ASTN2: variants seen among roughly 807,000 people sequenced by gnomAD.
ASTN2 encodes the protein astrotactin 2.
A neutral mutation model predicts 139.8 loss-of-function variants in ASTN2; 54 were observed. The ratio of observed to expected loss-of-function variants is 0.39; its 90% CI spans 0.31 to 0.48. ASTN2 has a LOEUF of 0.48. Ranked by LOEUF, ASTN2 falls within the 20% of genes least tolerant of loss-of-function variation. The probability of loss-of-function intolerance (pLI) is 0.95; values close to 1 mark genes in which losing one functional copy is unlikely to be tolerated. For missense variants in ASTN2, 1,565 were observed against 1,725.1 expected (o/e 0.91, Z 1.64); for synonymous variants, 756 against 719.5 (o/e 1.05, Z -0.81).
intron 5 of ASTN2, 59 bp downstream of exon 5, chr9:117,095,985 G>C: frequency 1.3e-6 from 2 of 1,508,378 alleles, no homozygotes; most frequent in Non-Finnish European, 1.8e-6. Flanking sequence ...CACAAAATCT[G>C]ATTTCCAGGA....
At chr9:117,302,214 G>T (rs143598625) in intron 1 of ASTN2, among the ~76,000 whole-genome samples, 1 of 152,090 alleles carries the variant, frequency 6.6e-6, no homozygotes, top group Non-Finnish European at 1.5e-5. Context: ...CCAGTGCCCC[G>T]TAAACCTTTT....
chr9:116,640,863 T>C (rs1857292808), intron 17 of ASTN2, among the ~76,000 whole-genome samples: 1 of 152,184 alleles, frequency 6.6e-6, no homozygotes, highest in Non-Finnish European at 1.5e-5. Context: ...ACTATTGAAA[T>C]AGTACAGGCA....
In ASTN2 at chr9:116,425,926, C is replaced by T; in HGVS notation, c.3945G>A (p.Lys1315=). 1 of 1,614,148 alleles carries T rather than the reference C, an allele frequency of 6.2e-7. No individual in the cohort carries two copies. The highest frequency in any genetic ancestry group is 1.1e-5 in the South Asian group (1 of 91,078). The change falls in exon 23 of 23, where the codon AAG becomes AAA. Residue 1315 remains lysine, a synonymous_variant. Transcript: ENST00000313400. ...TCTCCTCACACGTGATTTTGGTGTCCTTGAGGATGCTATACCACACCATGC... is the reference window on the plus strand; with the variant it reads ...TCTCCTCACACGTGATTTTGGTGTCTTTGAGGATGCTATACCACACCATGC... ...PAGMVWYSIL[K]DTKITCEEKM... is the part of the protein sequence containing the mutation.
intron 19 of ASTN2, among the ~76,000 whole-genome samples, chr9:116,516,529 T>C (rs1850656464): frequency 6.6e-6 from 1 of 152,208 alleles, no homozygotes; most frequent in Non-Finnish European, 1.5e-5. Context: ...CCTGCCTGGA[T>C]GGACAGAGCA....
intron 10 of ASTN2, among the ~76,000 whole-genome samples, chr9:116,872,442 G>A (rs1429310422): frequency 6.6e-6 from 1 of 152,132 alleles, no homozygotes. Flanking sequence ...GTAGGAGAAG[G>A]GATGAAAGAT....
At chr9:117,136,030 T>C (rs1829943299) in intron 4 of ASTN2, among the ~76,000 whole-genome samples, 1 of 152,210 alleles carries the variant, frequency 6.6e-6, no homozygotes, top group Non-Finnish European at 1.5e-5. Context: ...AATATGCCCT[T>C]CATCCTATTG....
At chr9:117,134,283 TATATATATATATACAC>T (rs1211517230) in intron 4 of ASTN2, among the ~76,000 whole-genome samples, 30 of 76,432 alleles carry the variant, frequency 3.9e-4, no homozygotes, top group African/African-American at 1.2e-3. Flanking sequence ...TATATATATA[TATATATATATATACAC>T]ACACACACAC....
chr9:116,788,158 G>T lies in ASTN2; in HGVS notation c.2396+17474C>A, dbSNP rs147142831. ...AGAATGGTGGTTATCAGAGGCAGGG[G>T]GTGGGAAGAAGATGAGGAATTGCGG... On this transcript the variant is annotated intron_variant, in intron 13 of 22. Transcript: ENST00000313400. Among the ~76,000 whole-genome samples the T allele has an allele frequency of 5.9e-5, 9 of 152,208 alleles. No homozygotes were observed. In the East Asian group the frequency reaches 1.7e-3, roughly 29 times the overall value.
At position 117,414,799 on chromosome 9, in the gene ASTN2, A is replaced by G; in HGVS notation, c.140T>C (p.Leu47Pro). 2 of 1,231,796 alleles carry G rather than the reference A, an allele frequency of 1.6e-6. No homozygotes were observed. The highest frequency in any genetic ancestry group is 2.0e-6 in the Non-Finnish European group (2 of 986,802). 76.3% of individuals were successfully genotyped at this position (1,231,796 alleles called of 1,614,324 possible). A position where few individuals can be genotyped will look rare whatever the true frequency, so the allele number is the denominator to read the frequency against. ...LFLLLLPPPPLLAGATAAASR... is the reference protein window; with the variant it reads ...LFLLLLPPPPPLAGATAAASR... The stretch of plus-strand genomic sequence containing the variant: ...GGCAGCGGCGGTGGCGCCGGCCAGC[A>G]GCGGCGGCGGCGGCAGCAGGAGCAG... The change falls in exon 1 of 23, where the codon CTG (leucine) becomes CCG (proline). Residue 47 changes from leucine (L) to proline (P), a missense_variant. This residue lies in a region of ASTN2 where 596 missense variants were observed against 576.8 expected (regional missense o/e 1.03). Transcript: ENST00000313400. The surrounding 1 kb of genome is among the most constrained non-coding windows in gnomAD (Gnocchi z 4.2).
intron 10 of ASTN2, among the ~76,000 whole-genome samples, chr9:116,962,285 G>T (rs1835896388): frequency 1.3e-5 from 2 of 152,224 alleles, no homozygotes; most frequent in African/African-American, 4.8e-5. Flanking sequence ...TATGTCTTCT[G>T]CAGAGTCAGG....
chr9:116,762,499 T>C (rs902754526), intron 13 of ASTN2, among the ~76,000 whole-genome samples: 1 of 152,240 alleles, frequency 6.6e-6, no homozygotes, highest in Non-Finnish European at 1.5e-5. Flanking sequence ...CCCACTTTTG[T>C]AGATTAGGTG....
At chr9:116,668,443 C>G (rs1433568974) in intron 16 of ASTN2, among the ~76,000 whole-genome samples, 1 of 152,204 alleles carries the variant, frequency 6.6e-6, no homozygotes, top group Non-Finnish European at 1.5e-5. Context: ...CCACCCGCCT[C>G]GGCCTCCCAA....
chr9:117,366,236 A>G lies in ASTN2; in HGVS notation c.442+48261T>C, dbSNP rs71507515. 6.3e-3 allele frequency among the ~76,000 whole-genome samples: 962 copies of G among 152,278 alleles called. 4 individuals carry two copies. Among genetic ancestry groups the G allele is most frequent in the Non-Finnish European group, 9.7e-3 (659 of 68,020 alleles). ...GATGTCCCAATTAATACACTCAATG[A>G]TCATGCTGACAATGGCAATGACAAG... On this transcript the variant is annotated intron_variant, in intron 1 of 22. Coordinates refer to ENST00000313400, the MANE Select transcript of ASTN2 (RefSeq NM_001365068.1).
chr9:117,140,119 T>A (rs1371398955), intron 4 of ASTN2, among the ~76,000 whole-genome samples: 6 of 152,168 alleles, frequency 3.9e-5, no homozygotes, highest in African/African-American at 1.2e-4. Flanking sequence ...TGACATAAGA[T>A]GCATATATCA....
intron 12 of ASTN2, among the ~76,000 whole-genome samples, chr9:116,814,652 T>C (rs1207452503): frequency 1.3e-5 from 2 of 152,242 alleles, no homozygotes; most frequent in African/African-American, 4.8e-5. Flanking sequence ...ATGGGCACTT[T>C]AGAATCAATG....
At chr9:116,744,703 A>G (rs1240699037) in intron 13 of ASTN2, among the ~76,000 whole-genome samples, 1 of 152,182 alleles carries the variant, frequency 6.6e-6, no homozygotes, top group East Asian at 1.9e-4. Context: ...CTGACTCCAG[A>G]GACCTGCCTC....
At chr9:117,098,812 A>G (rs1828900528) in intron 4 of ASTN2, among the ~76,000 whole-genome samples, 1 of 151,858 alleles carries the variant, frequency 6.6e-6, no homozygotes, top group Admixed American at 6.6e-5. Flanking sequence ...AGAACAAAGA[A>G]AAGAAGGGAG....
rs138955967 is a variant in ASTN2 at position 117,403,870 on chromosome 9, G to C, written c.442+10627C>G. Among the ~76,000 whole-genome samples, 217 of 152,238 alleles carry C rather than the reference G, an allele frequency of 1.4e-3. 1 individual carries two copies. The highest frequency in any genetic ancestry group is 3.5e-3 in the African/African-American group (146 of 41,530). On this transcript the variant is annotated intron_variant, in intron 1 of 22. Coordinates refer to ENST00000313400, the MANE Select transcript of ASTN2 (RefSeq NM_001365068.1). ...CCCCCAGCTTCCCCCAGCTCCAAGA[G>C]AATGAGCAGACATCAATGGTCAATT...
At chr9:117,249,038 T>G (rs1352473194) in intron 2 of ASTN2, among the ~76,000 whole-genome samples, 1 of 152,240 alleles carries the variant, frequency 6.6e-6, no homozygotes, top group East Asian at 1.9e-4. Context: ...CAAGTCTTGC[T>G]TTCTAATAAA....
Sources: gnomAD v4.1 joint callset for allele counts (sites outside exome capture counted in the v4.1 genomes callset) on GRCh38, gnomAD v4.1.1 for gene constraint, gnomAD v4.1.1 regional missense constraint, Gnocchi (gnomAD v3.1) non-coding constraint, MANE v1.5 for transcripts, NCBI Gene and HGNC (gene_info 2026-07-23, HGNC 2026-07-21) for gene names.